The following SLC2A13 variants were observed in gnomAD, a reference collection of about 807,000 sequenced individuals.
SLC2A13 encodes the protein proton myo-inositol cotransporter.
A neutral mutation model predicts 64.4 loss-of-function variants in SLC2A13; 32 were observed. That is an observed-to-expected ratio of 0.50 (90% CI 0.37 to 0.67). The LOEUF (loss-of-function observed/expected upper bound fraction) is 0.67, where lower values mean the gene tolerates loss of function less well. Ranked by LOEUF, SLC2A13 falls within the 30% of genes least tolerant of loss-of-function variation. The probability of loss-of-function intolerance (pLI) is 0.00; values close to 1 mark genes in which losing one functional copy is unlikely to be tolerated. For synonymous variants in SLC2A13, 338 were observed against 327.1 expected (o/e 1.03, Z -0.36); for missense variants, 743 against 829.2 (o/e 0.90, Z 1.28).
At chr12:39,896,453 T>C (rs943665661) in intron 4 of SLC2A13, among the ~76,000 whole-genome samples, 4 of 144,462 alleles carry the variant, frequency 2.8e-5, no homozygotes, top group Non-Finnish European at 6.0e-5. Context: ...TGTATATGTG[T>C]GTATATATGT....
chr12:39,901,654 A>G (rs1341317156), intron 4 of SLC2A13, among the ~76,000 whole-genome samples: 1 of 128,026 alleles, frequency 7.8e-6, no homozygotes, highest in African/African-American at 3.0e-5. Flanking sequence ...ACCATCTCAC[A>G]CCAGTTAGAA....
chr12:39,862,871 C>T (rs1463299845), intron 6 of SLC2A13, among the ~76,000 whole-genome samples: 2 of 152,098 alleles, frequency 1.3e-5, no homozygotes. Flanking sequence ...TCCAATTCTA[C>T]TCTTTTAGTT....
chr12:39,884,739 C>T (rs570346799), intron 4 of SLC2A13, among the ~76,000 whole-genome samples: 2 of 152,236 alleles, frequency 1.3e-5, no homozygotes, highest in African/African-American at 4.8e-5. Context: ...ATGAAGGCAG[C>T]GATGAGCTCC....
At chr12:39,917,067 GCAAAACCAAA>G (rs1325884647) in intron 4 of SLC2A13, among the ~76,000 whole-genome samples, 17 of 152,214 alleles carry the variant, frequency 1.1e-4, no homozygotes, top group South Asian at 4.1e-4. Flanking sequence ...TATGCTGGCA[GCAAAACCAAA>G]CACGGTCCCT....
In SLC2A13 at chr12:39,757,416, A is replaced by AACTT. The variant is rs1592106915; in HGVS notation, c.*2606_*2609dup. On this transcript the variant is annotated 3_prime_UTR_variant, in exon 10 of 10. Transcript: ENST00000280871. The stretch of plus-strand genomic sequence containing the variant: ...GATAGTGGTAGCCAAATATGCTGGG[A>AACTT]ACTTAAAAGGTGCCTAATATAAAAA... The AACTT allele has an allele frequency of 3.3e-5, 5 of 151,908 alleles. No individual in the cohort carries two copies. The East Asian group carries it at 9.4e-4, about 29-fold the overall frequency. 9.4% of individuals were successfully genotyped at this position (151,908 alleles called of 1,614,324 possible).
intron 7 of SLC2A13, among the ~76,000 whole-genome samples, chr12:39,801,386 G>A (rs1241272457): frequency 6.7e-6 from 1 of 148,624 alleles, no homozygotes; most frequent in East Asian, 1.9e-4. Context: ...GCTGTAGGTA[G>A]CAAAGGCATA....
At chr12:39,837,624 G>C (rs1943049723) in intron 6 of SLC2A13, among the ~76,000 whole-genome samples, 1 of 148,500 alleles carries the variant, frequency 6.7e-6, no homozygotes, top group Admixed American at 6.7e-5. Flanking sequence ...AATCTACAAT[G>C]AACTCCAACA....
chr12:39,982,463 A>G (rs1305141710), intron 3 of SLC2A13, among the ~76,000 whole-genome samples: 1 of 151,404 alleles, frequency 6.6e-6, no homozygotes, highest in Non-Finnish European at 1.5e-5. Context: ...TAAGCTGATA[A>G]GCAACTTCAG....
intron 1 of SLC2A13, among the ~76,000 whole-genome samples, chr12:40,084,363 T>G (rs1198586902): frequency 6.6e-6 from 1 of 152,234 alleles, no homozygotes; most frequent in Non-Finnish European, 1.5e-5. Context: ...ACAAAGCCAC[T>G]TTTTAATGCA....
At chr12:40,034,650 A>G (rs1947950848) in intron 2 of SLC2A13, among the ~76,000 whole-genome samples, 1 of 152,234 alleles carries the variant, frequency 6.6e-6, no homozygotes, top group Non-Finnish European at 1.5e-5. Context: ...GAGGAATATT[A>G]TAAATATTAA....
chr12:39,881,511 A>G (rs547097008), intron 4 of SLC2A13, among the ~76,000 whole-genome samples: 1 of 152,258 alleles, frequency 6.6e-6, no homozygotes, highest in East Asian at 1.9e-4. Flanking sequence ...TGTCTCAATT[A>G]TCTGCTTATT....
intron 3 of SLC2A13, among the ~76,000 whole-genome samples, chr12:39,995,970 C>T (rs1348943920): frequency 6.6e-6 from 1 of 152,168 alleles, no homozygotes; most frequent in Non-Finnish European, 1.5e-5. Context: ...TTGTAAATTG[C>T]CCAGTCTCAG....
chr12:39,756,597 A>C lies in SLC2A13; in HGVS notation c.*3429T>G, dbSNP rs980995112. The C allele has an allele frequency of 1.3e-5, 2 of 151,830 alleles. No homozygotes were observed. The highest frequency in any genetic ancestry group is 4.8e-5 in the African/African-American group (2 of 41,404). The allele number at this position is 151,830 out of a possible 1,614,324, so 9.4% of individuals were successfully genotyped here. A position where few individuals can be genotyped will look rare whatever the true frequency, so the allele number is the denominator to read the frequency against. ...GAGACTTTCTTAGATAAACATATGG[A>C]TGGTATTTTCTAAAACATTCTTCCA... On this transcript the variant is annotated 3_prime_UTR_variant, in exon 10 of 10. Transcript: ENST00000280871.
chr12:40,062,635 T>C (rs1451265487), intron 1 of SLC2A13, among the ~76,000 whole-genome samples: 1 of 152,032 alleles, frequency 6.6e-6, no homozygotes, highest in African/African-American at 2.4e-5. Context: ...CTTCCATATT[T>C]CTAGAAGAAA....
intron 7 of SLC2A13, among the ~76,000 whole-genome samples, chr12:39,784,777 A>G (rs1382507738): frequency 6.6e-6 from 1 of 152,196 alleles, no homozygotes; most frequent in African/African-American, 2.4e-5. Context: ...CTACCATCAG[A>G]GTGAACAGGC....
intron 3 of SLC2A13, among the ~76,000 whole-genome samples, chr12:39,967,520 T>C (rs941231104): frequency 1.3e-5 from 2 of 152,196 alleles, no homozygotes; most frequent in African/African-American, 4.8e-5. Flanking sequence ...ACTCCTTATG[T>C]AAAATACAGC....
At chr12:40,087,885 T>C (rs1401465362) in intron 1 of SLC2A13, among the ~76,000 whole-genome samples, 1 of 152,218 alleles carries the variant, frequency 6.6e-6, no homozygotes. Context: ...CAAATAACTA[T>C]AATTTATACT....
At chr12:39,769,126 G>A (rs1320620067) in intron 7 of SLC2A13, among the ~76,000 whole-genome samples, 8 of 152,018 alleles carry the variant, frequency 5.3e-5, no homozygotes, top group Admixed American at 5.2e-4. Flanking sequence ...TTTTATCTCA[G>A]TTGGTTCCCT....
intron 3 of SLC2A13, among the ~76,000 whole-genome samples, chr12:39,987,268 T>C (rs1947047774): frequency 6.6e-6 from 1 of 152,082 alleles, no homozygotes; most frequent in African/African-American, 2.4e-5. Flanking sequence ...CAACAAACAA[T>C]GACAAAATAA....
Sources: gnomAD v4.1 joint callset for allele counts (sites outside exome capture counted in the v4.1 genomes callset) on GRCh38, gnomAD v4.1.1 for gene constraint, MANE v1.5 for transcripts, NCBI Gene and HGNC (gene_info 2026-07-23, HGNC 2026-07-21) for gene names.